Variants in SLC15A5 observed in about 807,000 individuals in gnomAD.
SLC15A5 encodes solute carrier family 15 member 5.
Under a neutral mutation model 56.1 loss-of-function variants are expected in SLC15A5, and 58 were observed. The ratio of observed to expected loss-of-function variants is 1.03; its 90% CI spans 0.84 to 1.29. The LOEUF (loss-of-function observed/expected upper bound fraction) is 1.29. Among genes scored for constraint, SLC15A5 ranks in the 50% most tolerant of loss-of-function variants. The probability of loss-of-function intolerance (pLI) is 0.00; values close to 1 mark genes in which losing one functional copy is unlikely to be tolerated. For synonymous variants in SLC15A5, 264 were observed against 250.5 expected, an observed-to-expected ratio of 1.05 and a Z score of -0.51; for missense variants, 681 against 672.1, an observed-to-expected ratio of 1.01 and a Z score of -0.15.
At position 16,257,836 on chromosome 12, in the gene SLC15A5, C is replaced by G. The variant is rs773968010; in HGVS notation, c.619G>C (p.Val207Leu). The G allele has an allele frequency of 3.3e-6, 5 of 1,508,394 alleles. No individual in the cohort carries two copies. The South Asian group carries it at 6.5e-5, about 19-fold the overall frequency. 93.4% of individuals were successfully genotyped at this position (1,508,394 alleles called of 1,614,324 possible). A position where few individuals can be genotyped will look rare whatever the true frequency, so the allele number is the denominator to read the frequency against. The change falls in exon 3 of 9, where the codon GTG becomes CTG. Residue 207 changes from valine to leucine, a missense_variant. Physicochemically the swap from Val to Leu is conservative, Grantham distance 32. Coordinates refer to ENST00000344941, the MANE Select transcript of SLC15A5 (RefSeq NM_001170798.1). ...TGGATGTAAGATATTCCCAGAAACA[C>G]AATAGTTGCATTTAGGTTCATGAGC... Reference protein sequence around the residue: ...YWLMNLNATIVFLGISYIQHS... With the variant: ...YWLMNLNATILFLGISYIQHS...
intron 5 of SLC15A5, among the ~76,000 whole-genome samples, chr12:16,236,978 A>G (rs1864358224): frequency 6.6e-6 from 1 of 152,154 alleles, no homozygotes; most frequent in Non-Finnish European, 1.5e-5. Context: ...TATCTTTGTG[A>G]CCCTGATCTA....
chr12:16,253,305 G>A (rs1453891748), intron 3 of SLC15A5, among the ~76,000 whole-genome samples: 2 of 151,994 alleles, frequency 1.3e-5, no homozygotes, highest in East Asian at 3.8e-4. Flanking sequence ...ACATGAAAAC[G>A]TCGGCATTTC....
rs1261523828 is a variant in SLC15A5 at position 16,272,592 on chromosome 12, C to T, written c.553G>A (p.Gly185Arg). 8 of 1,536,702 alleles carry T rather than the reference C, an allele frequency of 5.2e-6. No individual in the cohort carries two copies. The East Asian group carries it at 1.5e-4, about 28-fold the overall frequency. Residue 185 changes from glycine (G) to arginine (R), a missense_variant, in exon 2 of 9, where the codon GGA becomes AGA. Transcript: ENST00000344941. ...PLGAFGLQEYGSQKTMSFFNW... is the reference protein window; with the variant it reads ...PLGAFGLQEYRSQKTMSFFNW... ...AAAAAAGACATCGTTTTTTGTGATC[C>T]ATACTCCTGAAGGCCAAAAGCACCC...
intron 6 of SLC15A5, among the ~76,000 whole-genome samples, chr12:16,223,699 TTTTTGGAGGAGTA>T (rs762395741): frequency 1.6e-4 from 23 of 147,940 alleles, no homozygotes; most frequent in Non-Finnish European, 2.7e-4. Flanking sequence ...TTAAGTGTCA[TTTTTGGAGGAGTA>T]TAAATGAGCT....
chr12:16,193,548 A>G (rs1198133431), intron 8 of SLC15A5, among the ~76,000 whole-genome samples: 1 of 152,026 alleles, frequency 6.6e-6, no homozygotes, highest in Non-Finnish European at 1.5e-5. Flanking sequence ...GTGACAATGG[A>G]TGAGATAATA....
chr12:16,222,348 C>A (rs759095180), intron 6 of SLC15A5, among the ~76,000 whole-genome samples: 20 of 106,230 alleles, frequency 1.9e-4, no homozygotes, highest in Non-Finnish European at 3.3e-4. Flanking sequence ...GTACTGTCTC[C>A]CAGAAAGGTA....
intron 6 of SLC15A5, among the ~76,000 whole-genome samples, chr12:16,220,168 A>G (rs1471750048): frequency 6.6e-6 from 1 of 152,208 alleles, no homozygotes; most frequent in East Asian, 1.9e-4. Context: ...TCCTGTTGCC[A>G]TTTTTAGACC....
chr12:16,263,677 G>C (rs1864664738), intron 2 of SLC15A5, among the ~76,000 whole-genome samples: 1 of 152,166 alleles, frequency 6.6e-6, no homozygotes, highest in South Asian at 2.1e-4. Flanking sequence ...TTGTGGGCCA[G>C]GCCTAGGGTC....
intron 2 of SLC15A5, among the ~76,000 whole-genome samples, chr12:16,270,330 C>T (rs1056067704): frequency 6.6e-6 from 1 of 152,072 alleles, no homozygotes; most frequent in African/African-American, 2.4e-5. Context: ...CTGAATAAAG[C>T]CTTCAAGTGG....
At chr12:16,233,859 A>G (rs749305675) in intron 5 of SLC15A5, among the ~76,000 whole-genome samples, 32 of 152,188 alleles carry the variant, frequency 2.1e-4, no homozygotes, top group African/African-American at 7.0e-4. Flanking sequence ...TTCTTATACA[A>G]ATTAAACTAT....
chr12:16,237,340 A>G lies in SLC15A5; in HGVS notation c.1162+2341T>C, dbSNP rs1253845738. On this transcript the variant is annotated intron_variant, in intron 5 of 8. Transcript: ENST00000344941. This position sits in a 1 kb window ranked among gnomAD's most constrained non-coding sequence, Gnocchi z 4.1. The stretch of plus-strand genomic sequence containing the variant: ...AGCAAAACGTTATGCAAATAAACGT[A>G]CAAGTATGCAAATCAATGAATGAAT... Among the ~76,000 whole-genome samples the G allele has an allele frequency of 6.6e-6, 1 of 152,214 alleles. No individual in the cohort carries two copies. The highest frequency in any genetic ancestry group is 2.4e-5 in the African/African-American group (1 of 41,462).
chr12:16,231,827 C>G (rs1471703831), intron 5 of SLC15A5, among the ~76,000 whole-genome samples: 1 of 152,234 alleles, frequency 6.6e-6, no homozygotes, highest in Non-Finnish European at 1.5e-5. Context: ...AGCCACACCT[C>G]ACCTTCAGCA....
chr12:16,273,769 C>G (rs1331692498), intron 1 of SLC15A5, among the ~76,000 whole-genome samples: 1 of 150,314 alleles, frequency 6.7e-6, no homozygotes, highest in East Asian at 1.9e-4. Context: ...GCATTCCCCC[C>G]CATCAGATTA....
chr12:16,264,686 G>A (rs754371494), intron 2 of SLC15A5, among the ~76,000 whole-genome samples: 1 of 152,124 alleles, frequency 6.6e-6, no homozygotes, highest in Non-Finnish European at 1.5e-5. Flanking sequence ...TAGAATCATG[G>A]GGGCACATCT....
At chr12:16,276,735 G>A (rs191294094) in intron 1 of SLC15A5, among the ~76,000 whole-genome samples, 103 of 151,752 alleles carry the variant, frequency 6.8e-4, no homozygotes, top group African/African-American at 2.5e-3. Context: ...TCTCACAATC[G>A]GTCCCAAACT....
intron 6 of SLC15A5, among the ~76,000 whole-genome samples, chr12:16,222,555 G>A (rs941598264): frequency 2.6e-5 from 4 of 152,136 alleles, no homozygotes; most frequent in Admixed American, 2.6e-4. Context: ...GGTAGTAATG[G>A]AAAAGCTAGA....
intron 3 of SLC15A5, among the ~76,000 whole-genome samples, chr12:16,253,712 A>G (rs1192250815): frequency 2.0e-5 from 3 of 152,104 alleles, no homozygotes; most frequent in Non-Finnish European, 4.4e-5. Flanking sequence ...CTTTGAAATA[A>G]TAATAAGAAG....
intron 8 of SLC15A5, among the ~76,000 whole-genome samples, chr12:16,191,149 G>GT (rs1290918811): frequency 4.6e-5 from 7 of 152,168 alleles, no homozygotes; most frequent in African/African-American, 1.7e-4. Flanking sequence ...GTTGTTTTCA[G>GT]TTTCTTTGAT....
chr12:16,273,214 G>A (rs1236925247), intron 1 of SLC15A5, among the ~76,000 whole-genome samples: 1 of 151,936 alleles, frequency 6.6e-6, no homozygotes, highest in African/African-American at 2.4e-5. Context: ...CATCTCAGAA[G>A]CTTATTACCT....
Sources: allele counts gnomAD v4.1 joint callset (sites outside exome capture counted in the v4.1 genomes callset), GRCh38; gene constraint gnomAD v4.1.1; non-coding constraint Gnocchi (gnomAD v3.1); transcripts MANE v1.5; gene names NCBI Gene and HGNC (gene_info 2026-07-23, HGNC 2026-07-21).